The following DLG1 variants were observed in gnomAD, a reference collection of about 807,000 sequenced individuals.
The protein encoded by DLG1 is disks large homolog 1.
Under a neutral mutation model 123.4 loss-of-function variants are expected in DLG1, and 42 were observed. That is an observed-to-expected ratio of 0.34 (90% confidence interval 0.27 to 0.44). The LOEUF (loss-of-function observed/expected upper bound fraction) is 0.44. DLG1 is among the 20% of genes least tolerant of loss of function. The pLI is 1.00. For missense variants in DLG1, 942 were observed against 1,082.6 expected, an observed-to-expected ratio of 0.87 and a Z score of 1.82; for synonymous variants, 317 against 356.2, an observed-to-expected ratio of 0.89 and a Z score of 1.24.
chr3:197,143,192 G>A (rs1008458054), intron 6 of DLG1, among the ~76,000 whole-genome samples: 11 of 152,138 alleles, frequency 7.2e-5, no homozygotes, highest in African/African-American at 2.7e-4. Context: ...AATGCAGTCT[G>A]CCTAATCGCT....
intron 5 of DLG1, among the ~76,000 whole-genome samples, chr3:197,164,671 G>A (rs1800421889): frequency 6.6e-6 from 1 of 151,304 alleles, no homozygotes; most frequent in Non-Finnish European, 1.5e-5. Context: ...GGAGGACGCG[G>A]CAGGCAGATC....
At chr3:197,277,398 T>C (rs1400356346) in intron 4 of DLG1, among the ~76,000 whole-genome samples, 1 of 152,008 alleles carries the variant, frequency 6.6e-6, no homozygotes, top group East Asian at 1.9e-4. Flanking sequence ...TGGTACGATC[T>C]TGCCTTCCTG....
chr3:197,204,198 G>C (rs1727350292), intron 4 of DLG1, among the ~76,000 whole-genome samples: 1 of 152,124 alleles, frequency 6.6e-6, no homozygotes, highest in Non-Finnish European at 1.5e-5. Flanking sequence ...TTTTCTACTT[G>C]TACATTTCAA....
At chr3:197,233,548 G>C (rs369069821) in intron 4 of DLG1, among the ~76,000 whole-genome samples, 3 of 152,112 alleles carry the variant, frequency 2.0e-5, no homozygotes, top group Non-Finnish European at 2.9e-5. Context: ...CACGATGCCC[G>C]GCTTTTTTGT....
chr3:197,092,190 G>C (rs1337190015), intron 14 of DLG1, among the ~76,000 whole-genome samples: 1 of 152,146 alleles, frequency 6.6e-6, no homozygotes, highest in Non-Finnish European at 1.5e-5. Flanking sequence ...GATGAATGGA[G>C]ATCATAAAAA....
intron 13 of DLG1, 143 bp downstream of exon 13, chr3:197,115,784 C>A (rs1772955926): frequency 1.3e-6 from 1 of 789,506 alleles, no homozygotes; most frequent in Admixed American, 3.3e-5. Flanking sequence ...TCTGACACTA[C>A]AATTCTACAA....
intron 4 of DLG1, among the ~76,000 whole-genome samples, chr3:197,273,618 C>A (rs926702822): frequency 6.6e-6 from 1 of 151,910 alleles, no homozygotes; most frequent in Admixed American, 6.6e-5. Flanking sequence ...TATTAAACCA[C>A]AAGGTCAAAG....
chr3:197,042,916 CACTT>C lies in DLG1; in HGVS notation c.*1703_*1706del, dbSNP rs1349040672. The C allele has an allele frequency of 6.6e-6, 1 of 152,116 alleles. No homozygotes were observed. The highest frequency in any genetic ancestry group is 1.5e-5 in the Non-Finnish European group (1 of 68,030). 9.4% of individuals were successfully genotyped at this position (152,116 alleles called of 1,614,324 possible). A position where few individuals can be genotyped will look rare whatever the true frequency, so the allele number is the denominator to read the frequency against. ...ATTTTTTCTTTCAAAATTCAAGACA[CACTT>C]AACATATGGATTTTACAATACAGTT... On this transcript the variant is annotated 3_prime_UTR_variant, in exon 25 of 25. Coordinates refer to ENST00000667157, the MANE Select transcript of DLG1 (RefSeq NM_001366207.1).
intron 5 of DLG1, among the ~76,000 whole-genome samples, chr3:197,173,691 CAAAA>C (rs539360916): frequency 6.6e-6 from 1 of 151,908 alleles, no homozygotes; most frequent in Non-Finnish European, 1.5e-5. Context: ...TTGGAAATGA[CAAAA>C]AAAGAAGCGT....
intron 4 of DLG1, among the ~76,000 whole-genome samples, chr3:197,245,839 C>T (rs1156617264): frequency 6.9e-6 from 1 of 145,034 alleles, no homozygotes; most frequent in African/African-American, 2.6e-5. Flanking sequence ...AGGTTATTCC[C>T]TCGTCTTTTA....
At chr3:197,268,929 T>C (rs1317352914) in intron 4 of DLG1, among the ~76,000 whole-genome samples, 1 of 152,042 alleles carries the variant, frequency 6.6e-6, no homozygotes, top group Non-Finnish European at 1.5e-5. Flanking sequence ...AACTTAAGCC[T>C]ACCCAAGGCC....
At chr3:197,229,655 G>A (rs1741845322) in intron 4 of DLG1, among the ~76,000 whole-genome samples, 1 of 152,106 alleles carries the variant, frequency 6.6e-6, no homozygotes, top group Non-Finnish European at 1.5e-5. Context: ...GATAACAAAT[G>A]CACTCTGGTC....
intron 4 of DLG1, among the ~76,000 whole-genome samples, chr3:197,237,900 A>G (rs905869660): frequency 6.6e-6 from 1 of 152,240 alleles, no homozygotes; most frequent in African/African-American, 2.4e-5. Flanking sequence ...GCAGTTCTCA[A>G]CTGATTTTAT....
At chr3:197,117,211 A>C (rs565721455) in intron 12 of DLG1, among the ~76,000 whole-genome samples, 3 of 152,292 alleles carry the variant, frequency 2.0e-5, no homozygotes, top group Non-Finnish European at 4.4e-5. Context: ...GATGTAAAGA[A>C]ATTGCAACTC....
At chr3:197,168,396 T>C (rs1802460772) in intron 5 of DLG1, among the ~76,000 whole-genome samples, 1 of 152,240 alleles carries the variant, frequency 6.6e-6, no homozygotes, top group Non-Finnish European at 1.5e-5. Context: ...GTAATTCATT[T>C]AGTTCACTTG....
At chr3:197,298,450 C>G (rs943627460) in intron 1 of DLG1, 86 bp downstream of exon 1, 3 of 398,650 alleles carry the variant, frequency 7.5e-6, no homozygotes, top group East Asian at 7.1e-5. Context: ...TCCCGCAGTT[C>G]CGAACTAAAC....
intron 4 of DLG1, among the ~76,000 whole-genome samples, chr3:197,278,127 T>C (rs1425484732): frequency 6.7e-6 from 1 of 150,012 alleles, no homozygotes; most frequent in Admixed American, 6.6e-5. Context: ...TCTACAAAAA[T>C]ACAAAAATTA....
At chr3:197,099,843 CTA>C (rs755240351) in intron 14 of DLG1, among the ~76,000 whole-genome samples, 2 of 152,158 alleles carry the variant, frequency 1.3e-5, no homozygotes, top group Non-Finnish European at 2.9e-5. Context: ...AAAAGGGAAA[CTA>C]TTTTTAAGAA....
At chr3:197,152,762 CAAAAA>C (rs63446260) in intron 5 of DLG1, among the ~76,000 whole-genome samples, 15 of 52,534 alleles carry the variant, frequency 2.9e-4, no homozygotes, top group East Asian at 6.3e-4. Flanking sequence ...GACTCTGTCT[CAAAAA>C]AAAAAAAAAA....
Sources: gnomAD v4.1 joint callset for allele counts (sites outside exome capture counted in the v4.1 genomes callset) on GRCh38, gnomAD v4.1.1 for gene constraint, MANE v1.5 for transcripts, NCBI Gene and HGNC (gene_info 2026-07-23, HGNC 2026-07-21) for gene names.